CDK7: variants seen among roughly 807,000 people sequenced by gnomAD.
CDK7 encodes cyclin-dependent kinase 7.
Under a neutral mutation model 49.1 loss-of-function variants are expected in CDK7, and 25 were observed. The ratio of observed to expected loss-of-function variants is 0.51; its 90% confidence interval spans 0.37 to 0.71. CDK7 has a LOEUF of 0.71. Among genes scored for constraint, CDK7 ranks in the 30% least tolerant of loss-of-function variants. The probability of loss-of-function intolerance (pLI) is 0.00; values close to 1 mark genes in which losing one functional copy is unlikely to be tolerated. For synonymous variants in CDK7, 107 were observed against 140.0 expected, an observed-to-expected ratio of 0.76 and a Z score of 1.67; for missense variants, 316 against 411.7, an observed-to-expected ratio of 0.77 and a Z score of 2.01.
chr5:69,253,556 G>A (rs140608814), intron 3 of CDK7, among the ~76,000 whole-genome samples: 1,530 of 152,098 alleles, frequency 0.01, 33 homozygotes, highest in African/African-American at 0.036. Flanking sequence ...CACCGCGCCC[G>A]GCCTGTATCT....
At chr5:69,266,833 C>T (rs1011074608) in intron 8 of CDK7, among the ~76,000 whole-genome samples, 3 of 151,950 alleles carry the variant, frequency 2.0e-5, no homozygotes, top group Non-Finnish European at 4.4e-5. Context: ...GAGTTGGTGG[C>T]GGAGGGCTAG....
chr5:69,268,709 C>T (rs113470534), intron 8 of CDK7, among the ~76,000 whole-genome samples: 5 of 151,616 alleles, frequency 3.3e-5, no homozygotes, highest in Admixed American at 2.6e-4. Context: ...AAAAATTAGC[C>T]AGGCGTGGTG....
chr5:69,249,196 C>G (rs1159796271), intron 2 of CDK7, among the ~76,000 whole-genome samples: 1 of 151,864 alleles, frequency 6.6e-6, no homozygotes, highest in African/African-American at 2.4e-5. Flanking sequence ...TTCAAATAGC[C>G]TGTCTTCAAG....
chr5:69,259,162 G>C (rs988746828), intron 6 of CDK7, among the ~76,000 whole-genome samples: 2 of 151,856 alleles, frequency 1.3e-5, no homozygotes, highest in South Asian at 2.1e-4. Context: ...AAAATATAGA[G>C]ATGGTCTTGG....
chr5:69,252,701 G>A (rs966920881), intron 3 of CDK7, among the ~76,000 whole-genome samples: 1 of 151,588 alleles, frequency 6.6e-6, no homozygotes, highest in Non-Finnish European at 1.5e-5. Flanking sequence ...TAGAGATGAG[G>A]TCTGGCTGTG....
At chr5:69,266,453 G>A (rs971945507) in intron 8 of CDK7, among the ~76,000 whole-genome samples, 11 of 152,146 alleles carry the variant, frequency 7.2e-5, no homozygotes, top group Admixed American at 5.2e-4. Flanking sequence ...GCTGGGCATG[G>A]TGGTGGGCGC....
intron 2 of CDK7, among the ~76,000 whole-genome samples, chr5:69,245,288 C>T (rs1331679642): frequency 9.7e-6 from 1 of 103,398 alleles, no homozygotes; most frequent in Non-Finnish European, 1.9e-5. Flanking sequence ...CCTCCTTTTC[C>T]CCTCCCTTCC....
intron 1 of CDK7, 75 bp downstream of exon 1, chr5:69,235,116 C>A (rs913954044): frequency 5.7e-6 from 8 of 1,402,436 alleles, no homozygotes; most frequent in Non-Finnish European, 7.9e-6. Flanking sequence ...CGGGTTTTCC[C>A]GTGGAGGCCA....
intron 6 of CDK7, 81 bp from the exon 7 acceptor site, chr5:69,259,737 A>G: frequency 1.2e-6 from 1 of 845,272 alleles, no homozygotes; most frequent in Non-Finnish European, 1.9e-6. Context: ...TGCTAAGTTT[A>G]AAGTTATGCC....
intron 5 of CDK7, among the ~76,000 whole-genome samples, chr5:69,256,489 G>A (rs1050128101): frequency 2.6e-5 from 4 of 152,016 alleles, no homozygotes; most frequent in Non-Finnish European, 5.9e-5. Context: ...GAGTAGCTGG[G>A]ATTACAAGCG....
intron 8 of CDK7, among the ~76,000 whole-genome samples, chr5:69,266,055 CCAGCCTGGGTAA>C (rs1460949219): frequency 6.6e-6 from 1 of 152,132 alleles, no homozygotes; most frequent in Non-Finnish European, 1.5e-5. Context: ...CCACTGCATT[CCAGCCTGGGTAA>C]CAGGCTGGGG....
chr5:69,251,285 A>G (rs918509914), intron 2 of CDK7, among the ~76,000 whole-genome samples: 1 of 151,968 alleles, frequency 6.6e-6, no homozygotes, highest in Non-Finnish European at 1.5e-5. Flanking sequence ...TTTTTAATAG[A>G]GACGGGGTTT....
Position 69,259,828 on chromosome 5 carries a change from C to G in CDK7, c.419C>G (p.Pro140Arg). 1 of 1,613,210 alleles carries G rather than the reference C, an allele frequency of 6.2e-7. No individual in the cohort carries two copies. Among genetic ancestry groups the G allele is most frequent in the Non-Finnish European group, 8.5e-7 (1 of 1,179,266 alleles). The change falls in exon 7 of 12, where the codon CCA becomes CGA. Residue 140 changes from proline (P) to arginine (R), a missense_variant. By Grantham distance (103) the Pro-to-Arg change is moderately radical. Coordinates refer to ENST00000256443, the MANE Select transcript of CDK7 (RefSeq NM_001799.4). ...QHWILHRDLK[P>R]NNLLLDENGV... is the part of the protein sequence containing the mutation. Reference sequence around the variant, plus strand: ...ACTTCCGTCATATAGGATCTGAAACCAAACAACTTGTTGCTAGATGAAAAT... The same window carrying G: ...ACTTCCGTCATATAGGATCTGAAACGAAACAACTTGTTGCTAGATGAAAAT...
At chr5:69,246,382 G>A (rs1314777171) in intron 2 of CDK7, among the ~76,000 whole-genome samples, 2 of 151,954 alleles carry the variant, frequency 1.3e-5, no homozygotes, top group African/African-American at 2.4e-5. Flanking sequence ...TGATCTGCCC[G>A]CCTCCGCCTT....
chr5:69,243,502 C>G (rs1484863888), intron 2 of CDK7, among the ~76,000 whole-genome samples: 1 of 151,858 alleles, frequency 6.6e-6, no homozygotes, highest in East Asian at 1.9e-4. Context: ...GTCTGTGTGT[C>G]TGTTTTTATG....
chr5:69,242,132 A>G (rs549291823), intron 2 of CDK7, among the ~76,000 whole-genome samples: 57 of 152,172 alleles, frequency 3.7e-4, no homozygotes, highest in Non-Finnish European at 6.8e-4. Context: ...TGGATATCCA[A>G]TTTTCCCAGC....
At chr5:69,242,906 G>A (rs1005277931) in intron 2 of CDK7, among the ~76,000 whole-genome samples, 2 of 152,142 alleles carry the variant, frequency 1.3e-5, no homozygotes, top group Non-Finnish European at 2.9e-5. Flanking sequence ...TTATCCGGGC[G>A]TGGTGGTGCA....
At chr5:69,267,897 T>G (rs1278499362) in intron 8 of CDK7, among the ~76,000 whole-genome samples, 1 of 152,218 alleles carries the variant, frequency 6.6e-6, no homozygotes, top group Non-Finnish European at 1.5e-5. Flanking sequence ...ATAATCCTTT[T>G]GGGTTTAAGA....
chr5:69,262,378 C>G (rs1369179639), intron 8 of CDK7, 74 bp downstream of exon 8: 2 of 1,601,336 alleles, frequency 1.2e-6, no homozygotes, highest in Non-Finnish European at 8.5e-7. Flanking sequence ...TATAAGAATT[C>G]TTGTCCTAGG....
Sources: gnomAD v4.1 joint callset for allele counts (sites outside exome capture counted in the v4.1 genomes callset) on GRCh38, gnomAD v4.1.1 for gene constraint, MANE v1.5 for transcripts, NCBI Gene and HGNC (gene_info 2026-07-23, HGNC 2026-07-21) for gene names.